Variants in RAPGEF2 observed in about 807,000 individuals in gnomAD.
The protein encoded by RAPGEF2 is PDZ domain containing guanine nucleotide exchange factor (GEF) 1.
Under a neutral mutation model 186.7 loss-of-function variants are expected in RAPGEF2, and 54 were observed. The ratio of observed to expected loss-of-function variants is 0.29; its 90% CI spans 0.23 to 0.36. The LOEUF (loss-of-function observed/expected upper bound fraction) is 0.36. Among genes scored for constraint, RAPGEF2 ranks in the 10% least tolerant of loss-of-function variants. The probability of loss-of-function intolerance (pLI) is 1.00; values close to 1 mark genes in which losing one functional copy is unlikely to be tolerated. For missense variants in RAPGEF2, 1,532 were observed against 2,045.0 expected (o/e 0.75, Z 4.84); for synonymous variants, 712 against 705.9 (o/e 1.01, Z -0.14).
rs537756877 is a variant in RAPGEF2 at position 159,145,887 on chromosome 4, G to A, written c.70-40755G>A. Among the ~76,000 whole-genome samples, 5 of 152,222 alleles carry A rather than the reference G, an allele frequency of 3.3e-5. No individual in the cohort carries two copies. The East Asian group carries it at 7.7e-4, about 23-fold the overall frequency. ...GATGATGTGTAGTGGGAGCAACTCT[G>A]GCTTATCCCAGAAACAAGTAGCTGG... is the stretch of plus-strand genomic sequence containing the variant. On this transcript the variant is annotated intron_variant, in intron 1 of 29. Transcript: ENST00000691494.
At chr4:159,337,821 T>C (rs1182026103) in intron 17 of RAPGEF2, among the ~76,000 whole-genome samples, 4 of 129,668 alleles carry the variant, frequency 3.1e-5, no homozygotes, top group Non-Finnish European at 6.2e-5. Flanking sequence ...ACCTGGGAGA[T>C]GGAGCTTGCA....
chr4:159,342,538 T>TTTATTTTATA (rs1729628903), intron 20 of RAPGEF2, among the ~76,000 whole-genome samples: 1 of 110,208 alleles, frequency 9.1e-6, no homozygotes, highest in Non-Finnish European at 1.9e-5. Flanking sequence ...TTTATTTTAT[T>TTTATTTTATA]TTATTTTATT....
chr4:159,270,617 G>C (rs1209680664), intron 7 of RAPGEF2, among the ~76,000 whole-genome samples: 1 of 152,086 alleles, frequency 6.6e-6, no homozygotes, highest in African/African-American at 2.4e-5. Context: ...GAACCTTTCA[G>C]ATCTCATGGG....
chr4:159,212,104 G>A (rs1349124170), intron 4 of RAPGEF2, among the ~76,000 whole-genome samples: 3 of 152,164 alleles, frequency 2.0e-5, no homozygotes, highest in African/African-American at 4.8e-5. Context: ...ATGAGGAAAC[G>A]ATGGTAATAC....
Position 159,350,158 on chromosome 4 carries a change from T to TA in RAPGEF2, c.3742dup (p.Ile1248AsnfsTer6). On this transcript the variant is annotated frameshift_variant, in exon 26 of 30. Transcript: ENST00000691494. LOFTEE classifies it high-confidence loss of function. ...ATAGGCATAAACTCTCCACAAGCTT[T>TA]AAAAAAAATTCTTTCTTTGTCTGAA... The TA allele has an allele frequency of 1.0e-5, 16 of 1,568,494 alleles. No individual in the cohort carries two copies. The highest frequency in any genetic ancestry group is 3.7e-5 in the South Asian group (3 of 81,736).
chr4:159,258,476 C>CA (rs1756442312), intron 7 of RAPGEF2, among the ~76,000 whole-genome samples: 1 of 152,116 alleles, frequency 6.6e-6, no homozygotes, highest in Non-Finnish European at 1.5e-5. Flanking sequence ...TTGATTACAA[C>CA]AAAAGGGCAG....
chr4:159,251,806 A>G lies in RAPGEF2; in HGVS notation c.543+8015A>G, dbSNP rs1755441443. On this transcript the variant is annotated intron_variant, in intron 7 of 29. Transcript: ENST00000691494. The stretch of plus-strand genomic sequence containing the variant: ...TCTGTAAAATGGACCAATCAGCAGG[A>G]TGTGGGTGGGGTCAGATAAGGGAAT... Among the ~76,000 whole-genome samples the G allele has an allele frequency of 2.6e-5, 4 of 152,070 alleles. No homozygotes were observed. In the South Asian group the frequency reaches 8.4e-4, roughly 32 times the overall value.
intron 7 of RAPGEF2, among the ~76,000 whole-genome samples, chr4:159,294,519 G>A (rs757486514): frequency 6.6e-6 from 1 of 152,134 alleles, no homozygotes; most frequent in Non-Finnish European, 1.5e-5. Flanking sequence ...ATATTAATTA[G>A]TATTACAGTC....
chr4:159,161,851 T>C (rs962195736), intron 1 of RAPGEF2, among the ~76,000 whole-genome samples: 2 of 152,254 alleles, frequency 1.3e-5, no homozygotes, highest in Non-Finnish European at 2.9e-5. Context: ...AGGATGGTGA[T>C]ACCTTTCAAG....
intron 1 of RAPGEF2, among the ~76,000 whole-genome samples, chr4:159,133,808 C>G (rs1405548235): frequency 6.6e-6 from 1 of 152,164 alleles, no homozygotes; most frequent in Non-Finnish European, 1.5e-5. Flanking sequence ...TGGTCTCGAT[C>G]TCCTGACCTT....
At chr4:159,159,948 T>G (rs887020635) in intron 1 of RAPGEF2, among the ~76,000 whole-genome samples, 2 of 152,342 alleles carry the variant, frequency 1.3e-5, no homozygotes, top group East Asian at 3.9e-4. Flanking sequence ...TTGATCTCCC[T>G]CCAATCAAGC....
chr4:159,209,656 T>C (rs1161348060), intron 3 of RAPGEF2, among the ~76,000 whole-genome samples: 1 of 152,206 alleles, frequency 6.6e-6, no homozygotes, highest in Non-Finnish European at 1.5e-5. Context: ...CAAACTATAT[T>C]AGTAAGGTTG....
Position 159,353,728 on chromosome 4 carries a change from G to C in RAPGEF2, c.4333G>C (p.Asp1445His), listed in dbSNP as rs1302561041. Residue 1445 changes from aspartate (D) to histidine (H), a missense_variant, in exon 28 of 30, where the codon GAT becomes CAT. Physicochemically the swap from Asp to His is moderately conservative, Grantham distance 81. Coordinates refer to ENST00000691494, the MANE Select transcript of RAPGEF2 (RefSeq NM_001394067.2). This position sits in a 1 kb window ranked among gnomAD's most constrained non-coding sequence, Gnocchi z 4.3. ...GCATACTCACTTTGATTATTCAGGG[G>C]ATCCTGCAGGTTTATGGGCATCAAG... is the stretch of plus-strand genomic sequence containing the variant. ...FGHTHFDYSG[D>H]PAGLWASSSH... 5 of 1,609,892 alleles carry C rather than the reference G, an allele frequency of 3.1e-6. No homozygotes were observed. Among genetic ancestry groups the C allele is most frequent in the Non-Finnish European group, 4.2e-6 (5 of 1,178,110 alleles).
At chr4:159,106,506 A>G (rs914603511) in intron 1 of RAPGEF2, among the ~76,000 whole-genome samples, 5 of 152,224 alleles carry the variant, frequency 3.3e-5, no homozygotes, top group African/African-American at 4.8e-5. Flanking sequence ...TTGTCTTATA[A>G]ATGTTTGTGA....
intron 1 of RAPGEF2, chr4:159,128,666 TGA>T (rs1268671565): frequency 1.3e-5 from 2 of 152,062 alleles, no homozygotes; most frequent in Non-Finnish European, 2.9e-5. Context: ...GGCTTCATGT[TGA>T]GTTTTGTAAA....
At chr4:159,260,281 A>C (rs77644411) in intron 7 of RAPGEF2, among the ~76,000 whole-genome samples, 1 of 150,594 alleles carries the variant, frequency 6.6e-6, no homozygotes, top group Non-Finnish European at 1.5e-5. Context: ...CACCCAGCCT[A>C]ATTTTTTTTT....
intron 7 of RAPGEF2, among the ~76,000 whole-genome samples, chr4:159,257,981 G>T (rs1756382033): frequency 6.6e-6 from 1 of 152,154 alleles, no homozygotes; most frequent in African/African-American, 2.4e-5. Context: ...GAATTAATGA[G>T]TGAATGCCTT....
chr4:159,302,338 A>ATT (rs11412701), intron 7 of RAPGEF2, among the ~76,000 whole-genome samples: 2 of 151,812 alleles, frequency 1.3e-5, no homozygotes, highest in African/African-American at 4.8e-5. Flanking sequence ...TGACACGTTA[A>ATT]TTTTTTTAAA....
At chr4:159,230,820 G>T (rs1752550946) in intron 4 of RAPGEF2, among the ~76,000 whole-genome samples, 2 of 152,128 alleles carry the variant, frequency 1.3e-5, no homozygotes, top group South Asian at 4.1e-4. Flanking sequence ...ATAGCTGTTT[G>T]TGTACTTGTC....
Sources: allele counts gnomAD v4.1 joint callset (sites outside exome capture counted in the v4.1 genomes callset), GRCh38; gene constraint gnomAD v4.1.1; non-coding constraint Gnocchi (gnomAD v3.1); transcripts MANE v1.5; gene names NCBI Gene and HGNC (gene_info 2026-07-23, HGNC 2026-07-21).